The following MITD1 variants were observed in gnomAD, a reference collection of about 807,000 sequenced individuals.
The protein encoded by MITD1 is microtubule interacting and trafficking domain containing 1.
A neutral mutation model predicts 34.9 loss-of-function variants in MITD1; 24 were observed. That is an observed-to-expected ratio of 0.69 (90% CI 0.50 to 0.97). MITD1 has a LOEUF of 0.97. Among genes scored for constraint, MITD1 ranks in the 50% least tolerant of loss-of-function variants. The probability of loss-of-function intolerance (pLI) is 0.00; values close to 1 mark genes in which losing one functional copy is unlikely to be tolerated. For missense variants in MITD1, 266 were observed against 294.6 expected (o/e 0.90, Z 0.71); for synonymous variants, 102 against 101.4 (o/e 1.01, Z -0.04).
downstream of MITD1, among the ~76,000 whole-genome samples, chr2:99,166,215 C>G (rs576309864): frequency 6.8e-6 from 1 of 146,958 alleles, no homozygotes; most frequent in African/African-American, 2.5e-5. Flanking sequence ...AGGTTACTAC[C>G]TAGTACCTAG....
chr2:99,174,842 C>T (rs573325546), intron 1 of MITD1, among the ~76,000 whole-genome samples: 58 of 152,286 alleles, frequency 3.8e-4, no homozygotes, highest in African/African-American at 1.3e-3. Context: ...CCTCCTGCCT[C>T]GGCCTCCCAA....
chr2:99,164,628 T>C (rs2093818325), downstream of MITD1, among the ~76,000 whole-genome samples: 1 of 152,218 alleles, frequency 6.6e-6, no homozygotes, highest in South Asian at 2.1e-4. Flanking sequence ...TGAGTGATTT[T>C]ATTTTTCAAG....
rs377138952 is a variant in MITD1, at chr2:99,162,688, A to C, written c.*4-470T>G. The C allele has an allele frequency of 8.7e-6, 14 of 1,614,068 alleles. No homozygotes were observed. The African/African-American group carries it at 1.9e-4, about 22-fold the overall frequency. On this transcript the variant is annotated intron_variant, in intron 7 of 7. Coordinates refer to the MITD1 transcript ENST00000422537. ...GCTGCTTATCATCAAATTGATAATC[A>C]CATTCACCTAATAAACCCAACGGAT...
At position 99,171,645 on chromosome 2, in the gene MITD1, A is replaced by G; in HGVS notation, c.255T>C (p.Asp85=). Residue 85 remains aspartate, a splice_region_variant and synonymous_variant, in exon 3 of 7, where the codon GAT becomes GAC. Coordinates refer to ENST00000289359, the MANE Select transcript of MITD1 (RefSeq NM_138798.3). ...TTTTAATTTGCTTGTGATATTTTCC[A>G]TCTATAAAACACAGGCTTCAACAGT... The part of the protein sequence containing the change: ...IKKYLDQEKE[D]GKYHKQIKIE... 1.2e-6 allele frequency: 2 copies of G among 1,612,512 alleles called. No individual in the cohort carries two copies. The highest frequency in any genetic ancestry group is 1.7e-6 in the Non-Finnish European group (2 of 1,179,446).
chr2:99,170,643 G>C lies in MITD1; in HGVS notation c.487C>G (p.Gln163Glu). ...TGCAGGCCTCTACTTTGCTGCACTT[G>C]CTCAATGCCCTGTTAATAGCAAAAA... is the stretch of plus-strand genomic sequence containing the variant. Reference protein sequence around the residue: ...LLTSLDEGIEQVQQSRGLQEI... With the variant: ...LLTSLDEGIEEVQQSRGLQEI... Residue 163 changes from glutamine (Q) to glutamate (E), a missense_variant, in exon 5 of 7, where the codon CAA becomes GAA. Coordinates refer to ENST00000289359, the MANE Select transcript of MITD1 (RefSeq NM_138798.3). The C allele has an allele frequency of 6.4e-7, 1 of 1,562,700 alleles. No homozygotes were observed. Among genetic ancestry groups the C allele is most frequent in the South Asian group, 1.1e-5 (1 of 89,396 alleles).
Position 99,163,797 on chromosome 2 carries a change from A to G in MITD1, c.*4-1579T>C, listed in dbSNP as rs540956666. Reference sequence around the variant, plus strand: ...TCTTGCCACCTCTCCTCATATCTCAAACTCTAAAATTCTCCCTTTTAGTTA... The same window carrying G: ...TCTTGCCACCTCTCCTCATATCTCAGACTCTAAAATTCTCCCTTTTAGTTA... On this transcript the variant is annotated intron_variant, in intron 7 of 7. Coordinates refer to the MITD1 transcript ENST00000422537. 3.9e-5 allele frequency among the ~76,000 whole-genome samples: 6 copies of G among 152,126 alleles called. No homozygotes were observed. The South Asian group carries it at 1.3e-3, about 32-fold the overall frequency.
chr2:99,170,589 C>T lies in MITD1; in HGVS notation c.541G>A (p.Gly181Arg), dbSNP rs756912094. The T allele has an allele frequency of 9.9e-6, 16 of 1,608,198 alleles. No homozygotes were observed. The highest frequency in any genetic ancestry group is 8.3e-5 in the Admixed American group (5 of 59,946). The change falls in exon 5 of 7, where the codon GGA (glycine) becomes AGA (arginine). Residue 181 changes from glycine to arginine, a missense_variant. Physicochemically the swap from Gly to Arg is moderately radical, Grantham distance 125 (BLOSUM62 -2). Transcript: ENST00000289359. ...QEIEESLRSH[G>R]VLLEVQYSSS... ...GAGTATTGAACTTCCAACAGCACTC[C>T]GTGACTCCTGAGTGACTCTTCTATT...
rs760931619 is a variant in MITD1 at position 99,162,327 on chromosome 2, T to C, written c.*4-109A>G. ...GACTTTCTTTACAACCAAAAAAAAG[T>C]ATGATAGAATGGAAAATCTGAAATT... is the stretch of plus-strand genomic sequence containing the variant. On this transcript the variant is annotated intron_variant, in intron 7 of 7. Coordinates refer to the MITD1 transcript ENST00000422537. 3 of 1,613,118 alleles carry C rather than the reference T, an allele frequency of 1.9e-6. No homozygotes were observed. The Admixed American group carries it at 5.0e-5, about 27-fold the overall frequency.
intron 7 of MITD1, among the ~76,000 whole-genome samples, chr2:99,163,567 A>G (rs924429825): frequency 2.0e-5 from 3 of 152,072 alleles, no homozygotes; most frequent in Non-Finnish European, 4.4e-5. Flanking sequence ...GCCTCAAGTG[A>G]TCCGCCGACC....
downstream of MITD1, among the ~76,000 whole-genome samples, chr2:99,166,244 T>C (rs148342993): frequency 1.5e-4 from 23 of 151,518 alleles, 1 homozygote; most frequent in African/African-American, 5.1e-4. Flanking sequence ...AACTTCGGTA[T>C]TTAAAATGTA....
intron 5 of MITD1, 108 bp downstream of exon 5, chr2:99,170,429 T>C (rs2093849495): frequency 7.3e-6 from 2 of 273,616 alleles, no homozygotes; most frequent in Non-Finnish European, 1.3e-5. Flanking sequence ...ATTTGAATTT[T>C]AAATATTTAT....
intron 5 of MITD1, among the ~76,000 whole-genome samples, chr2:99,170,272 C>A (rs1001768123): frequency 1.5e-4 from 23 of 152,210 alleles, no homozygotes; most frequent in Admixed American, 5.9e-4. Flanking sequence ...GAAAAGTGTT[C>A]TCTTTTTCTA....
In MITD1 at chr2:99,171,549, T is replaced by C. The variant is rs768512710; in HGVS notation, c.351A>G (p.Glu117=). Residue 117 remains glutamate, a synonymous_variant, in exon 3 of 7, where the codon GAA becomes GAG. Transcript: ENST00000289359. ...TAATATAAGGATCTTCTATCCAAAC[T>C]TCTGTAACTGTCTCATTAAGGTATT... ...FREYLNETVT[E]VWIEDPYIRH... The C allele has an allele frequency of 3.1e-6, 5 of 1,612,340 alleles. No homozygotes were observed. The highest frequency in any genetic ancestry group is 4.2e-6 in the Non-Finnish European group (5 of 1,178,560).
At chr2:99,175,799 A>G (rs959453515) in intron 1 of MITD1, among the ~76,000 whole-genome samples, 3 of 152,172 alleles carry the variant, frequency 2.0e-5, no homozygotes, top group Non-Finnish European at 4.4e-5. Flanking sequence ...ATTTTACTCT[A>G]TGAGTTATAA....
chr2:99,161,446 T>C (rs895954693), downstream of MITD1: 2 of 151,042 alleles, frequency 1.3e-5, no homozygotes, highest in Non-Finnish European at 2.9e-5. Context: ...ATTAGGACTA[T>C]CAATGCTTTT....
Position 99,173,929 on chromosome 2 carries a change from T to G in MITD1, c.239A>C (p.Asp80Ala), listed in dbSNP as rs1010947590. 2.5e-6 allele frequency: 4 copies of G among 1,605,232 alleles called. No individual in the cohort carries two copies. The highest frequency in any genetic ancestry group is 1.7e-5 in the Admixed American group (1 of 59,870). ...DRAENIKKYLDQEKEDGKYHK... is the reference protein window; with the variant it reads ...DRAENIKKYLAQEKEDGKYHK... ...AACCTCTTTACCTTCTTTTTCTTGG[T>G]CCAAGTACTTCTTTATGTTTTCCGC... The change falls in exon 2 of 7, where the codon GAC becomes GCC. Residue 80 changes from aspartate to alanine, a missense_variant. By Grantham distance (126) the Asp-to-Ala change is moderately radical (BLOSUM62 -2). Coordinates refer to ENST00000289359, the MANE Select transcript of MITD1 (RefSeq NM_138798.3).
intron 7 of MITD1, chr2:99,162,538 A>ACC: frequency 6.2e-7 from 1 of 1,614,196 alleles, no homozygotes; most frequent in Non-Finnish European, 8.5e-7. Context: ...TCTTTGCTAA[A>ACC]GAGCCCTTAC....
At position 99,171,363 on chromosome 2, in the gene MITD1, G is replaced by A. The variant is rs1574827223; in HGVS notation, c.457C>T (p.Leu153Phe). 6.2e-7 allele frequency: 1 copy of A among 1,611,038 alleles called. No individual in the cohort carries two copies. The highest frequency in any genetic ancestry group is 1.1e-5 in the South Asian group (1 of 90,878). Residue 153 changes from leucine to phenylalanine, a missense_variant, in exon 4 of 7, where the codon CTT (leucine) becomes TTT (phenylalanine). Leu to Phe is a conservative substitution (Grantham distance 22, BLOSUM62 0). Coordinates refer to ENST00000289359, the MANE Select transcript of MITD1 (RefSeq NM_138798.3). ...CCTACTTCATCCAGAGAGGTGAGAA[G>A]GTGAATAGTTTTTACTTTACATGGT... ...KRPCKVKTIH[L>F]LTSLDEGIEQ... is the part of the protein sequence containing the mutation.
At chr2:99,173,122 A>C (rs1425861012) in intron 2 of MITD1, 1 of 158,710 alleles carries the variant, frequency 6.3e-6, no homozygotes, top group Non-Finnish European at 1.4e-5. Context: ...CTAAATTTCA[A>C]ATCGGGGCTA....
Sources: allele counts gnomAD v4.1 joint callset (sites outside exome capture counted in the v4.1 genomes callset), GRCh38; gene constraint gnomAD v4.1.1; transcripts MANE v1.5; gene names NCBI Gene and HGNC (gene_info 2026-07-23, HGNC 2026-07-21).